SHTN1: variants seen among roughly 807,000 people sequenced by gnomAD.
The protein encoded by SHTN1 is shootin 1.
SHTN1 carries 42 observed loss-of-function variants against 83.1 expected under a neutral mutation model. The ratio of observed to expected loss-of-function variants is 0.51; its 90% confidence interval spans 0.39 to 0.65. The LOEUF is 0.65. Ranked by LOEUF, SHTN1 falls within the 30% of genes least tolerant of loss-of-function variation. The pLI is 0.00. For synonymous variants in SHTN1, 224 were observed against 247.7 expected (o/e 0.90, Z 0.90); for missense variants, 622 against 737.8 (o/e 0.84, Z 1.82).
chr10:117,066,011 G>A (rs995020760), intron 1 of SHTN1, among the ~76,000 whole-genome samples: 1 of 146,432 alleles, frequency 6.8e-6, no homozygotes, highest in Admixed American at 6.8e-5. Flanking sequence ...GTTTCAGTGA[G>A]CTATGATTTC....
At position 116,885,807 on chromosome 10, in the gene SHTN1, A is replaced by G. The variant is rs747296727; in HGVS notation, c.*537T>C. The G allele has an allele frequency of 1.3e-5, 2 of 154,158 alleles. No individual in the cohort carries two copies. Among genetic ancestry groups the G allele is most frequent in the African/African-American group, 4.8e-5 (2 of 41,462 alleles). The allele number at this position is 154,158 out of a possible 1,614,324, so 9.5% of individuals were successfully genotyped here. ...ACTATGGGACTACGAGTTTGATGCCAGCTCCTGAGTTTTCAGTTTATCTCA... is the reference window on the plus strand; with the variant it reads ...ACTATGGGACTACGAGTTTGATGCCGGCTCCTGAGTTTTCAGTTTATCTCA... On this transcript the variant is annotated 3_prime_UTR_variant, in exon 17 of 17. Coordinates refer to ENST00000355371, the MANE Select transcript of SHTN1 (RefSeq NM_001127211.3).
At chr10:116,951,846 T>C (rs539701948) in intron 6 of SHTN1, 63 bp downstream of exon 6, 5 of 917,966 alleles carry the variant, frequency 5.4e-6, no homozygotes, top group African/African-American at 5.0e-5. Flanking sequence ...GTTCTTAACT[T>C]AGCAAATCCC....
chr10:116,884,172 G>A lies in SHTN1; in HGVS notation c.*2172C>T. 1 of 454,662 alleles carries A rather than the reference G, an allele frequency of 2.2e-6. No individual in the cohort carries two copies. The highest frequency in any genetic ancestry group is 4.4e-6 in the Non-Finnish European group (1 of 225,590). The allele number at this position is 454,662 out of a possible 1,614,324, so 28.2% of individuals were successfully genotyped here. A position where few individuals can be genotyped will look rare whatever the true frequency, so the allele number is the denominator to read the frequency against. On this transcript the variant is annotated 3_prime_UTR_variant, in exon 17 of 17. Transcript: ENST00000355371. ...TGTAAGCAGGACGTATGTAAGTTTT[G>A]TGTGTGCAATAGCTATGAACATACC...
At chr10:116,984,930 A>T (rs1431713041) in intron 1 of SHTN1, among the ~76,000 whole-genome samples, 1 of 151,522 alleles carries the variant, frequency 6.6e-6, no homozygotes, top group Non-Finnish European at 1.5e-5. Flanking sequence ...TACCTTTGCA[A>T]ATGTTTTTCC....
intron 2 of SHTN1, among the ~76,000 whole-genome samples, chr10:117,036,088 T>A (rs2133576478): frequency 6.6e-6 from 1 of 152,230 alleles, no homozygotes. Flanking sequence ...CAATAAGATT[T>A]CATCTTAACC....
chr10:116,921,481 G>A lies in SHTN1; in HGVS notation c.1148C>T (p.Pro383Leu). The A allele has an allele frequency of 6.2e-7, 1 of 1,613,724 alleles. No individual in the cohort carries two copies. Among genetic ancestry groups the A allele is most frequent in the Non-Finnish European group, 8.5e-7 (1 of 1,179,802 alleles). The change falls in exon 12 of 17, where the codon CCC (proline) becomes CTC (leucine). Residue 383 changes from proline to leucine, a missense_variant. Pro to Leu is a moderately conservative substitution (Grantham distance 98). Around this residue, in one of 3 missense-constraint regions of SHTN1, gnomAD observed 383 missense variants for 455.8 expected, o/e 0.84. Coordinates refer to ENST00000355371, the MANE Select transcript of SHTN1 (RefSeq NM_001127211.3). ...TTCTTTCTTAGCACCACTGCCACTGGGGTGGGATCGTTTCCGGATCATGGA... is the reference window on the plus strand; with the variant it reads ...TTCTTTCTTAGCACCACTGCCACTGAGGTGGGATCGTTTCCGGATCATGGA... ...LMSMIRKRSH[P>L]SGSGAKKEKA...
chr10:116,977,462 A>G (rs1850847405), intron 2 of SHTN1, among the ~76,000 whole-genome samples: 1 of 152,152 alleles, frequency 6.6e-6, no homozygotes. Context: ...ATAGCTGAGT[A>G]TCTTAGAGCA....
chr10:116,890,828 T>C (rs1847321432), intron 16 of SHTN1, among the ~76,000 whole-genome samples: 1 of 152,240 alleles, frequency 6.6e-6, no homozygotes, highest in African/African-American at 2.4e-5. Flanking sequence ...GCAATGGCCA[T>C]GCCAACGCTG....
chr10:117,083,165 G>A (rs1317263357), intron 1 of SHTN1, among the ~76,000 whole-genome samples: 30 of 147,344 alleles, frequency 2.0e-4, no homozygotes, highest in African/African-American at 4.7e-4. Flanking sequence ...ATTTTGCAGC[G>A]GCTGGTACCG....
chr10:117,075,106 C>T (rs1297855295), intron 1 of SHTN1, among the ~76,000 whole-genome samples: 1 of 152,164 alleles, frequency 6.6e-6, no homozygotes, highest in Non-Finnish European at 1.5e-5. Flanking sequence ...CTATTATTTT[C>T]CATTTATCTT....
intron 1 of SHTN1, among the ~76,000 whole-genome samples, chr10:116,995,278 T>A (rs1457114612): frequency 1.3e-5 from 2 of 152,154 alleles, no homozygotes; most frequent in Non-Finnish European, 2.9e-5. Flanking sequence ...AGGTCTCTGA[T>A]AACTTTAAGG....
intron 4 of SHTN1, among the ~76,000 whole-genome samples, chr10:116,959,626 T>G (rs779027730): frequency 6.6e-6 from 1 of 152,172 alleles, no homozygotes; most frequent in Non-Finnish European, 1.5e-5. Flanking sequence ...ATTACACACT[T>G]GGTAAATTCA....
Position 116,906,708 on chromosome 10 carries a change from ATT to A in SHTN1, c.1397_1398del (p.Lys466IlefsTer3). Reference sequence around the variant, plus strand: ...GTTTCACTGTTTTCAGGGTCAAGGGATTTTAAGCTTCTTGAACTAGTGGATTT... The same window carrying A: ...GTTTCACTGTTTTCAGGGTCAAGGGATTAAGCTTCTTGAACTAGTGGATTT... ...LNKSTSSRSLKSLDPENSETE... is the reference protein window; with the variant it reads ...LNKSTSSRSLXSLDPENSETE... On this transcript the variant is annotated frameshift_variant, in exon 15 of 17. Coordinates refer to ENST00000355371, the MANE Select transcript of SHTN1 (RefSeq NM_001127211.3). LOFTEE classifies it high-confidence loss of function. 6.2e-7 allele frequency: 1 copy of A among 1,613,130 alleles called. No homozygotes were observed.
chr10:116,930,136 C>G (rs886679580), intron 9 of SHTN1, 134 bp from the exon 10 acceptor site: 3 of 529,204 alleles, frequency 5.7e-6, no homozygotes, highest in African/African-American at 3.9e-5. Flanking sequence ...TCTTAACAAC[C>G]ATGCAAATGC....
At chr10:116,920,323 A>C (rs1415733887) in intron 12 of SHTN1, among the ~76,000 whole-genome samples, 1 of 152,110 alleles carries the variant, frequency 6.6e-6, no homozygotes, top group Non-Finnish European at 1.5e-5. Context: ...GCTGCACACC[A>C]AACAGACTCC....
In SHTN1 at chr10:116,972,144, C is replaced by T. The variant is rs561241159; in HGVS notation, c.112-3432G>A. The stretch of plus-strand genomic sequence containing the variant: ...AACAGGTCTCAACATCAGTTTTATT[C>T]CAACATGCAGGTAGCCCATTTCTAT... On this transcript the variant is annotated intron_variant, in intron 2 of 16. Coordinates refer to ENST00000355371, the MANE Select transcript of SHTN1 (RefSeq NM_001127211.3). 2.0e-5 allele frequency among the ~76,000 whole-genome samples: 3 copies of T among 152,266 alleles called. No homozygotes were observed. The East Asian group carries it at 5.8e-4, about 29-fold the overall frequency.
intron 11 of SHTN1, among the ~76,000 whole-genome samples, chr10:116,926,189 C>A (rs546691629): frequency 2.0e-5 from 3 of 152,232 alleles, no homozygotes; most frequent in South Asian, 4.1e-4. Context: ...AAAAAAAATT[C>A]TACTTAGGTT....
chr10:116,994,383 G>A lies in SHTN1; in HGVS notation c.58+10639C>T, dbSNP rs115523129. Among the ~76,000 whole-genome samples the A allele has an allele frequency of 1.2e-3, 178 of 152,228 alleles. 1 individual carries two copies. The highest frequency in any genetic ancestry group is 4.0e-3 in the African/African-American group (165 of 41,562). ...TTAATTTATTACGAGATTTAAAATG[G>A]AGCCTTGATATCTAAAGTATACTGA... On this transcript the variant is annotated intron_variant, in intron 1 of 16. Transcript: ENST00000355371.
chr10:117,052,615 T>C (rs1051244046), intron 1 of SHTN1, among the ~76,000 whole-genome samples: 2 of 152,042 alleles, frequency 1.3e-5, no homozygotes, highest in African/African-American at 4.8e-5. Flanking sequence ...AGGCAAAAAA[T>C]AAAACCATAT....
Sources: allele counts gnomAD v4.1 joint callset (sites outside exome capture counted in the v4.1 genomes callset), GRCh38; gene constraint gnomAD v4.1.1; regional missense constraint gnomAD v4.1.1; transcripts MANE v1.5; gene names NCBI Gene and HGNC (gene_info 2026-07-23, HGNC 2026-07-21).